The following ANKRD36C variants were observed in gnomAD, a reference collection of about 807,000 sequenced individuals.
ANKRD36C encodes ankyrin repeat domain 36C.
A neutral mutation model predicts 276.4 loss-of-function variants in ANKRD36C; 61 were observed. The ratio of observed to expected loss-of-function variants is 0.22; its 90% CI spans 0.18 to 0.27. The LOEUF (loss-of-function observed/expected upper bound fraction) is 0.27, where lower values mean the gene tolerates loss of function less well. Among genes scored for constraint, ANKRD36C ranks in the 10% least tolerant of loss-of-function variants. The probability of loss-of-function intolerance (pLI) is 1.00; values close to 1 mark genes in which losing one functional copy is unlikely to be tolerated. For missense variants in ANKRD36C, 1,447 were observed against 2,032.3 expected, an observed-to-expected ratio of 0.71 and a Z score of 5.54; for synonymous variants, 483 against 680.1, an observed-to-expected ratio of 0.71 and a Z score of 4.51.
intron 18 of ANKRD36C, 100 bp from the exon 19 acceptor site, chr2:95,944,794 T>C (rs1677991150): frequency 2.2e-6 from 3 of 1,347,736 alleles, no homozygotes; most frequent in Non-Finnish European, 3.0e-6. Context: ...TCCCAGCAGT[T>C]TGGGGGGCCG....
rs767299765 is a variant in ANKRD36C, at chr2:95,929,225, G to T, written c.1764+14C>A. On this transcript the variant is annotated intron_variant, in intron 25 of 66. Coordinates refer to ENST00000456556, the Ensembl canonical transcript of ANKRD36C. ...ACAGTTAATAGTTCAACATATAAAT[G>T]AGACTTTAATTACCTTCTCAGCTGG... 1 of 1,592,894 alleles carries T rather than the reference G, an allele frequency of 6.3e-7. No homozygotes were observed.
In ANKRD36C at chr2:95,908,713, G is replaced by A. The variant is rs1018937258; in HGVS notation, c.2653+3531C>T. The A allele has an allele frequency of 5.6e-5, 86 of 1,547,760 alleles. 1 individual carries two copies. The Admixed American group carries it at 6.2e-4, about 11-fold the overall frequency. ...TCAGAAGACACTGAAAAGTAAAAGG[G>A]ATTCATAATCACTCATATGTAAAAA... On this transcript the variant is annotated intron_variant, in intron 42 of 66. Coordinates refer to ENST00000456556, the Ensembl canonical transcript of ANKRD36C.
At chr2:95,863,818 G>C (rs1183202427) in intron 60 of ANKRD36C, among the ~76,000 whole-genome samples, 1 of 152,136 alleles carries the variant, frequency 6.6e-6, no homozygotes, top group Non-Finnish European at 1.5e-5. Flanking sequence ...GTGCCAAAGG[G>C]TAAGAGACAG....
chr2:95,911,006 GC>G (rs1558635998), intron 42 of ANKRD36C, among the ~76,000 whole-genome samples: 1 of 151,354 alleles, frequency 6.6e-6, no homozygotes, highest in East Asian at 2.0e-4. Flanking sequence ...TCTTTAACTT[GC>G]CCAATAACTG....
intron 40 of ANKRD36C, among the ~76,000 whole-genome samples, chr2:95,913,535 C>A (rs552136638): frequency 1.1e-4 from 17 of 151,470 alleles, no homozygotes; most frequent in South Asian, 4.1e-4. Flanking sequence ...CAGCCAAAAT[C>A]AAATATTTGT....
chr2:95,902,973 A>G lies in ANKRD36C; in HGVS notation c.2654-3637T>C. On this transcript the variant is annotated intron_variant, in intron 42 of 66. Coordinates refer to ENST00000456556, the Ensembl canonical transcript of ANKRD36C. ...TCTCTTGTAGCCTGAATGGAATTTG[A>G]AATGCAATAATAAATTAATAAAGTA... 1 of 1,582,306 alleles carries G rather than the reference A, an allele frequency of 6.3e-7. No homozygotes were observed. Among genetic ancestry groups the G allele is most frequent in the Non-Finnish European group, 8.6e-7 (1 of 1,161,914 alleles).
chr2:95,890,457 C>T (rs991727236), intron 46 of ANKRD36C, among the ~76,000 whole-genome samples: 1 of 151,332 alleles, frequency 6.6e-6, no homozygotes, highest in African/African-American at 2.4e-5. Context: ...CACAGAATTA[C>T]GACATTTCAG....
At chr2:95,887,983 C>A in exon 50 of ANKRD36C, 5 of 1,599,884 alleles carry the variant, frequency 3.1e-6, no homozygotes, top group Non-Finnish European at 4.3e-6. Context: ...CAGAATCTTT[C>A]TTGTCACTTG....
intron 46 of ANKRD36C, among the ~76,000 whole-genome samples, chr2:95,890,531 T>C (rs1676318425): frequency 6.6e-6 from 1 of 151,592 alleles, no homozygotes; most frequent in African/African-American, 2.4e-5. Context: ...GGATATCTGC[T>C]TGCTGATACC....
chr2:95,926,384 A>G (rs1454245286), intron 28 of ANKRD36C, among the ~76,000 whole-genome samples: 1 of 151,582 alleles, frequency 6.6e-6, no homozygotes, highest in Non-Finnish European at 1.5e-5. Flanking sequence ...ATTCACCATT[A>G]TTTTTCTTTC....
At chr2:95,871,501 G>A (rs1274032693) in intron 59 of ANKRD36C, among the ~76,000 whole-genome samples, 1 of 151,824 alleles carries the variant, frequency 6.6e-6, no homozygotes, top group East Asian at 1.9e-4. Flanking sequence ...TGCCCTAAAA[G>A]AGCTCCTGAA....
intron 8 of ANKRD36C, among the ~76,000 whole-genome samples, chr2:95,962,098 A>T (rs1678473495): frequency 1.3e-5 from 2 of 152,144 alleles, no homozygotes; most frequent in South Asian, 2.1e-4. Context: ...GCTGTCCCTT[A>T]GCCTGTTATA....
intron 60 of ANKRD36C, 34 bp from the exon 81 acceptor site, chr2:95,860,108 T>C (rs1208834810): frequency 3.7e-5 from 48 of 1,307,030 alleles, no homozygotes; most frequent in Non-Finnish European, 4.5e-5. Context: ...AGAGATAAAA[T>C]ACATGAGTAG....
intron 44 of ANKRD36C, among the ~76,000 whole-genome samples, 151 bp from the exon 61 acceptor site, chr2:95,895,741 G>A (rs1228045951): frequency 6.6e-6 from 1 of 151,022 alleles, no homozygotes; most frequent in Non-Finnish European, 1.5e-5. Flanking sequence ...ACCAGAAGGT[G>A]ACAGAAATAC....
rs763144812 is a variant in ANKRD36C, at chr2:95,857,412, G to T, written c.3977C>A (p.Thr1326Lys). The T allele has an allele frequency of 5.0e-6, 8 of 1,609,602 alleles. No homozygotes were observed. In the Admixed American group the frequency reaches 5.0e-5, roughly 10 times the overall value. ...AGCTTCTATCCTATATTGCTCTTCT[G>T]TGATTCTTAACTTTTCCCTAACTTT... The change falls in exon 62 of 67, where the codon ACA becomes AAA. Residue 1326 changes from threonine (T) to lysine (K), a missense_variant. Physicochemically the swap from Thr to Lys is moderately conservative, Grantham distance 78 (BLOSUM62 -1). This residue lies in a region of ANKRD36C where 437 missense variants were observed against 641.0 expected (regional missense o/e 0.68). Transcript: ENST00000456556.
intron 1 of ANKRD36C, among the ~76,000 whole-genome samples, chr2:95,991,253 C>T (rs1378382329): frequency 1.8e-5 from 2 of 112,350 alleles, no homozygotes. Context: ...ATTCCGTCCA[C>T]CTCAGCCCAT....
intron 22 of ANKRD36C, among the ~76,000 whole-genome samples, chr2:95,936,515 T>A (rs1677721800): frequency 6.6e-6 from 1 of 152,214 alleles, no homozygotes; most frequent in East Asian, 1.9e-4. Context: ...GTCCCTGTGG[T>A]TTACTCTCAT....
intron 59 of ANKRD36C, among the ~76,000 whole-genome samples, chr2:95,875,514 A>T (rs1167119014): frequency 8.8e-6 from 1 of 113,998 alleles, no homozygotes; most frequent in East Asian, 2.9e-4. Context: ...GGAACATCAC[A>T]CTCTGGGGAC....
At chr2:95,908,036 C>A (rs1293334030) in intron 42 of ANKRD36C, among the ~76,000 whole-genome samples, 5 of 150,830 alleles carry the variant, frequency 3.3e-5, no homozygotes, top group Admixed American at 6.6e-5. Context: ...CACCTTCCTG[C>A]CTCACAATCT....
Sources: allele counts gnomAD v4.1 joint callset (sites outside exome capture counted in the v4.1 genomes callset), GRCh38; gene constraint gnomAD v4.1.1; regional missense constraint gnomAD v4.1.1; transcripts MANE v1.5; gene names NCBI Gene and HGNC (gene_info 2026-07-23, HGNC 2026-07-21).